The following TTC23L variants were observed in gnomAD, a reference collection of about 807,000 sequenced individuals.
TTC23L encodes tetratricopeptide repeat protein 23-like.
Under a neutral mutation model 48.1 loss-of-function variants are expected in TTC23L, and 42 were observed. The ratio of observed to expected loss-of-function variants is 0.87; its 90% CI spans 0.68 to 1.13. TTC23L has a LOEUF of 1.13. TTC23L is among the 50% of genes most tolerant of loss of function. The pLI is 0.00. For synonymous variants in TTC23L, 159 were observed against 157.2 expected (o/e 1.01, Z -0.09); for missense variants, 391 against 421.0 (o/e 0.93, Z 0.62).
intron 9 of TTC23L, among the ~76,000 whole-genome samples, chr5:34,893,166 G>A (rs966043328): frequency 4.6e-5 from 7 of 152,128 alleles, no homozygotes; most frequent in African/African-American, 7.2e-5. Context: ...TTGACAGACC[G>A]TGGGACCAGT....
the TTC23L span, among the ~76,000 whole-genome samples, chr5:34,919,233 G>T: frequency 7.4e-6 from 1 of 134,324 alleles, no homozygotes; most frequent in African/African-American, 2.8e-5. Flanking sequence ...CCGTGATTGC[G>T]CCACTACATT....
At chr5:34,842,960 G>T (rs947744340) in intron 2 of TTC23L, among the ~76,000 whole-genome samples, 1 of 152,052 alleles carries the variant, frequency 6.6e-6, no homozygotes. Context: ...TGAGTAGCTG[G>T]GATTACAGTC....
At position 34,880,193 on chromosome 5, in the gene TTC23L, T is replaced by TA. The variant is rs768786749; in HGVS notation, c.963dup (p.Tyr322IlefsTer19). The TA allele has an allele frequency of 1.4e-5, 22 of 1,611,272 alleles. No individual in the cohort carries two copies. The East Asian group carries it at 4.9e-4, about 36-fold the overall frequency. ...TCAATTTTTCCAGATGCTGTTGAGA[T>TA]ATATTTCATAAGAAGTATCAATGCA... On this transcript the variant is annotated frameshift_variant, in exon 9 of 11. Coordinates refer to ENST00000505624, the Ensembl canonical transcript of TTC23L. LOFTEE classifies it high-confidence loss of function.
chr5:34,923,297 G>A, the TTC23L span: 2 of 1,317,042 alleles, frequency 1.5e-6, no homozygotes, highest in Non-Finnish European at 2.2e-6. Context: ...TTTATGTTTT[G>A]AGACAGAGTC....
chr5:34,860,016 T>G lies in TTC23L; in HGVS notation c.380-2882T>G, dbSNP rs375920771. Among the ~76,000 whole-genome samples, 150 of 151,998 alleles carry G rather than the reference T, an allele frequency of 9.9e-4. 2 individuals carry two copies. In the South Asian group the frequency reaches 0.03, roughly 31 times the overall value. Reference sequence around the variant, plus strand: ...CCGCCACCACGCCTGGCTAATTTTTTGTATTTTTTTTTAGTAGAGACAGGG... The same window carrying G: ...CCGCCACCACGCCTGGCTAATTTTTGGTATTTTTTTTTAGTAGAGACAGGG... On this transcript the variant is annotated intron_variant, in intron 4 of 10. Transcript: ENST00000505624.
chr5:34,913,911 G>T, the TTC23L span: 1 of 453,520 alleles, frequency 2.2e-6, no homozygotes, highest in Admixed American at 2.4e-5. Flanking sequence ...TGATACGGGG[G>T]TCTCACTATG....
intron 10 of TTC23L, among the ~76,000 whole-genome samples, chr5:34,897,395 A>G (rs1189909423): frequency 6.6e-6 from 1 of 151,070 alleles, no homozygotes; most frequent in Non-Finnish European, 1.5e-5. Flanking sequence ...AAGAAAAATA[A>G]AAAAAAAATT....
chr5:34,861,751 G>A (rs1344287285), intron 4 of TTC23L, among the ~76,000 whole-genome samples: 1 of 152,190 alleles, frequency 6.6e-6, no homozygotes, highest in African/African-American at 2.4e-5. Context: ...GTAGGACTGG[G>A]GCTGGTGGTG....
chr5:34,866,110 G>A (rs1246023218), intron 6 of TTC23L, among the ~76,000 whole-genome samples: 2 of 152,116 alleles, frequency 1.3e-5, no homozygotes, highest in Non-Finnish European at 1.5e-5. Context: ...AAACCTCAAT[G>A]AGATATTGTT....
At chr5:34,869,672 T>C (rs1761314772) in intron 8 of TTC23L, 1 of 152,282 alleles carries the variant, frequency 6.6e-6, no homozygotes, top group Non-Finnish European at 1.5e-5. Flanking sequence ...TCATGAAGAA[T>C]ATAATTTGAT....
intron 3 of TTC23L, among the ~76,000 whole-genome samples, chr5:34,847,371 C>G (rs576431345): frequency 1.6e-4 from 24 of 151,860 alleles, no homozygotes; most frequent in Non-Finnish European, 2.9e-4. Flanking sequence ...TGGATAATGA[C>G]AAAGATTTAG....
chr5:34,880,355 A>G, intron 9 of TTC23L, 47 bp downstream of exon 9: 2 of 1,553,046 alleles, frequency 1.3e-6, no homozygotes, highest in East Asian at 2.3e-5. Flanking sequence ...TGTTTATTAG[A>G]TCACAATAGC....
the TTC23L span, among the ~76,000 whole-genome samples, chr5:34,910,990 T>C: frequency 1.6e-4 from 25 of 152,214 alleles, no homozygotes; most frequent in Non-Finnish European, 3.1e-4. Flanking sequence ...CCCTAAATCC[T>C]TATACAGCAT....
At chr5:34,915,771 C>T in the TTC23L span, 12 of 1,602,274 alleles carry the variant, frequency 7.5e-6, no homozygotes, top group Admixed American at 3.4e-5. Context: ...GGCGTGGAGG[C>T]TTTGCAGTTC....
chr5:34,858,947 T>C (rs868408807), intron 4 of TTC23L, among the ~76,000 whole-genome samples: 3 of 152,176 alleles, frequency 2.0e-5, no homozygotes, highest in Non-Finnish European at 4.4e-5. Context: ...AACTCTATGA[T>C]TGATTAGCTG....
At chr5:34,889,131 T>C (rs1762705621) in intron 9 of TTC23L, among the ~76,000 whole-genome samples, 1 of 152,156 alleles carries the variant, frequency 6.6e-6, no homozygotes, top group South Asian at 2.1e-4. Context: ...ACTGTTCTCT[T>C]CTAAGAGGGA....
At chr5:34,841,646 T>C (rs369564514) in intron 2 of TTC23L, among the ~76,000 whole-genome samples, 5 of 152,084 alleles carry the variant, frequency 3.3e-5, no homozygotes, top group African/African-American at 1.2e-4. Context: ...GCCTCCTGAG[T>C]AGCTGGGACT....
downstream of TTC23L, among the ~76,000 whole-genome samples, chr5:34,900,883 G>A (rs1283969193): frequency 6.6e-6 from 1 of 152,186 alleles, no homozygotes; most frequent in East Asian, 1.9e-4. Context: ...GTTTTGAGTG[G>A]ATATTCACAA....
At chr5:34,860,266 G>C (rs1367842027) in intron 4 of TTC23L, among the ~76,000 whole-genome samples, 1 of 152,100 alleles carries the variant, frequency 6.6e-6, no homozygotes, top group Non-Finnish European at 1.5e-5. Flanking sequence ...ACACTTGCTT[G>C]TTCTGTCTTC....
Sources: gnomAD v4.1 joint callset for allele counts (sites outside exome capture counted in the v4.1 genomes callset) on GRCh38, gnomAD v4.1.1 for gene constraint, MANE v1.5 for transcripts, NCBI Gene and HGNC (gene_info 2026-07-23, HGNC 2026-07-21) for gene names.